The following DNAH6 variants were observed in gnomAD, a reference collection of about 807,000 sequenced individuals.
DNAH6 encodes the protein dynein axonemal heavy chain 6, also known as axonemal beta dynein heavy chain 6.
In DNAH6, 340 loss-of-function variants were observed where a neutral mutation model predicts 491.4. The observed-to-expected ratio is 0.69, with a 90% confidence interval of 0.63 to 0.76. The LOEUF (loss-of-function observed/expected upper bound fraction) is 0.76. DNAH6 is among the 30% of genes least tolerant of loss of function. The pLI is 0.00. For synonymous variants in DNAH6, 1,603 were observed against 1,686.1 expected (o/e 0.95, Z 1.21); for missense variants, 4,443 against 4,972.2 (o/e 0.89, Z 3.20).
At chr2:84,569,797 T>G (rs947197992) in intron 11 of DNAH6, among the ~76,000 whole-genome samples, 1 of 152,166 alleles carries the variant, frequency 6.6e-6, no homozygotes, top group Non-Finnish European at 1.5e-5. Context: ...AATGATGAGA[T>G]GAGGTTACTC....
At chr2:84,736,602 T>C (rs1288725780) in intron 62 of DNAH6, among the ~76,000 whole-genome samples, 2 of 152,096 alleles carry the variant, frequency 1.3e-5, no homozygotes, top group African/African-American at 2.4e-5. Flanking sequence ...CTATTTTAAA[T>C]GGGATTGCAT....
chr2:84,560,454 CTTT>C (rs201362465), intron 11 of DNAH6, among the ~76,000 whole-genome samples: 1 of 131,020 alleles, frequency 7.6e-6, no homozygotes, highest in African/African-American at 2.7e-5. Context: ...TTTTTTTTTT[CTTT>C]TTTTTTTTAT....
At chr2:84,724,755 G>A (rs1179076841) in intron 60 of DNAH6, among the ~76,000 whole-genome samples, 3 of 152,130 alleles carry the variant, frequency 2.0e-5, no homozygotes. Flanking sequence ...TCACTACAGG[G>A]CAACTGGGTT....
chr2:84,566,147 C>G lies in DNAH6; in HGVS notation c.1804-7320C>G, dbSNP rs533881063. The stretch of plus-strand genomic sequence containing the variant: ...AGAATTTTTTAGGGAAATATTTTTA[C>G]TGGAATTGTTCACATTAGAAATAGA... On this transcript the variant is annotated intron_variant, in intron 11 of 76. Coordinates refer to ENST00000389394, the MANE Select transcript of DNAH6 (RefSeq NM_001370.2). Among the ~76,000 whole-genome samples, 11 of 151,980 alleles carry G rather than the reference C, an allele frequency of 7.2e-5. 1 individual carries two copies. In the East Asian group the frequency reaches 1.9e-3, roughly 27 times the overall value.
chr2:84,604,290 T>C, intron 18 of DNAH6, 49 bp from the exon 19 acceptor site: 1 of 1,424,920 alleles, frequency 7.0e-7, no homozygotes, highest in Non-Finnish European at 9.7e-7. Context: ...CTGTGGGTTA[T>C]ATTTTTAAGA....
At chr2:84,522,086 GAT>G (rs1295242929) in intron 2 of DNAH6, among the ~76,000 whole-genome samples, 1 of 152,126 alleles carries the variant, frequency 6.6e-6, no homozygotes, top group Non-Finnish European at 1.5e-5. Flanking sequence ...TAATGATACT[GAT>G]TCTTCCTATC....
At position 84,727,888 on chromosome 2, in the gene DNAH6, G is replaced by A. The variant is rs1428530096; in HGVS notation, c.10192G>A (p.Ala3398Thr). The A allele has an allele frequency of 6.5e-7, 1 of 1,550,034 alleles. No homozygotes were observed. The highest frequency in any genetic ancestry group is 2.0e-5 in the Admixed American group (1 of 51,008). Residue 3398 changes from alanine to threonine, a missense_variant, in exon 61 of 77, where the codon GCA becomes ACA. Around this residue, in one of 3 missense-constraint regions of DNAH6, gnomAD observed 1,463 missense variants for 1,656.6 expected, o/e 0.88. Transcript: ENST00000389394. ...AEWNFFLRGS[A>T]GLEKERPPKP... The stretch of plus-strand genomic sequence containing the variant: ...ATGGAATTTCTTTCTCCGAGGTTCT[G>A]CAGGATTGGAAAAGGTACCTGATTC...
chr2:84,706,833 T>C (rs973342381), intron 52 of DNAH6, 63 bp from the exon 53 acceptor site: 38 of 1,499,734 alleles, frequency 2.5e-5, no homozygotes, highest in Non-Finnish European at 3.3e-5. Flanking sequence ...AGATCTGTAT[T>C]ATTAATGGGC....
chr2:84,780,806 T>C (rs1417436608), intron 64 of DNAH6, among the ~76,000 whole-genome samples: 1 of 152,140 alleles, frequency 6.6e-6, no homozygotes, highest in Non-Finnish European at 1.5e-5. Context: ...CTGTTTTCCT[T>C]TGAGGGCTTG....
At chr2:84,506,899 G>A in the DNAH6 span, among the ~76,000 whole-genome samples, 1 of 152,148 alleles carries the variant, frequency 6.6e-6, no homozygotes, top group African/African-American at 2.4e-5. Flanking sequence ...TTATTTCTGA[G>A]GGCTCTGTTC....
intron 35 of DNAH6, among the ~76,000 whole-genome samples, chr2:84,655,804 C>A (rs1690908825): frequency 6.6e-6 from 1 of 152,082 alleles, no homozygotes; most frequent in African/African-American, 2.4e-5. Flanking sequence ...AAATGGTGAA[C>A]CACTATTGAT....
chr2:84,665,171 G>A (rs373964466), intron 37 of DNAH6, among the ~76,000 whole-genome samples: 3 of 151,108 alleles, frequency 2.0e-5, no homozygotes, highest in Non-Finnish European at 4.4e-5. Context: ...TGACACCCTA[G>A]CATCACAATT....
chr2:84,788,551 C>T (rs972589161), intron 68 of DNAH6, among the ~76,000 whole-genome samples: 7 of 152,230 alleles, frequency 4.6e-5, no homozygotes, highest in East Asian at 1.9e-4. Flanking sequence ...AAAAGAATAA[C>T]GTTTCCCAAT....
At chr2:84,779,188 T>C (rs903101265) in intron 64 of DNAH6, among the ~76,000 whole-genome samples, 18 of 152,280 alleles carry the variant, frequency 1.2e-4, no homozygotes, top group African/African-American at 3.9e-4. Context: ...TGTCCAGAAT[T>C]TTTTTGTTAG....
Position 84,664,727 on chromosome 2 carries a change from T to C in DNAH6, c.6085-4562T>C, listed in dbSNP as rs1291016767. On this transcript the variant is annotated intron_variant, in intron 37 of 76. Coordinates refer to ENST00000389394, the MANE Select transcript of DNAH6 (RefSeq NM_001370.2). ...TAACAAGGATATCCAGGAATTGAACTCAGCTCTGCACCAAGCAGACCTAAT... is the reference window on the plus strand; with the variant it reads ...TAACAAGGATATCCAGGAATTGAACCCAGCTCTGCACCAAGCAGACCTAAT... Among the ~76,000 whole-genome samples the C allele has an allele frequency of 1.3e-5, 2 of 152,210 alleles. 1 individual carries two copies. Among genetic ancestry groups the C allele is most frequent in the Non-Finnish European group, 2.9e-5 (2 of 68,030 alleles).
In DNAH6 at chr2:84,579,400, GTC is replaced by G. The variant is rs971060479; in HGVS notation, c.2077-123_2077-122del. On this transcript the variant is annotated intron_variant, in intron 13 of 76. Coordinates refer to ENST00000389394, the MANE Select transcript of DNAH6 (RefSeq NM_001370.2). ...TAGCAGTGATTTAAAGAGAAAAAAA[GTC>G]TCTTCGTATTCACTGCTGCTTCCAA... 33 of 989,426 alleles carry G rather than the reference GTC, an allele frequency of 3.3e-5. 1 individual carries two copies. Among genetic ancestry groups the G allele is most frequent in the African/African-American group, 3.1e-4 (19 of 60,642 alleles). The allele number at this position is 989,426 out of a possible 1,614,324, so 61.3% of individuals were successfully genotyped here. A position where few individuals can be genotyped will look rare whatever the true frequency, so the allele number is the denominator to read the frequency against.
At chr2:84,632,362 C>G (rs969874415) in intron 29 of DNAH6, among the ~76,000 whole-genome samples, 1 of 151,724 alleles carries the variant, frequency 6.6e-6, no homozygotes, top group Non-Finnish European at 1.5e-5. Flanking sequence ...CCCCACTCTC[C>G]TCCTCAGCCA....
intron 45 of DNAH6, among the ~76,000 whole-genome samples, chr2:84,691,852 T>G (rs1573501931): frequency 6.6e-6 from 1 of 152,340 alleles, no homozygotes; most frequent in African/African-American, 2.4e-5. Context: ...ACCACATTGT[T>G]AAGGGGCAGG....
At chr2:84,791,471 C>T (rs1041459901) in intron 68 of DNAH6, among the ~76,000 whole-genome samples, 18 of 151,592 alleles carry the variant, frequency 1.2e-4, no homozygotes, top group Admixed American at 2.0e-4. Flanking sequence ...AATTTCCAGA[C>T]GAGTCAAGCC....
Sources: allele counts gnomAD v4.1 joint callset (sites outside exome capture counted in the v4.1 genomes callset), GRCh38; gene constraint gnomAD v4.1.1; regional missense constraint gnomAD v4.1.1; transcripts MANE v1.5; gene names NCBI Gene and HGNC (gene_info 2026-07-23, HGNC 2026-07-21).